Variants in TAOK3 observed in about 807,000 individuals in gnomAD.
TAOK3 encodes the protein serine/threonine-protein kinase TAO3.
In TAOK3, 40 loss-of-function variants were observed where a neutral mutation model predicts 120.4. That is an observed-to-expected ratio of 0.33 (90% CI 0.26 to 0.43). The LOEUF is 0.43. TAOK3 is among the 20% of genes least tolerant of loss of function. The pLI is 1.00. For synonymous variants in TAOK3, 355 were observed against 387.5 expected (o/e 0.92, Z 0.99); for missense variants, 821 against 1,112.1 (o/e 0.74, Z 3.72).
At chr12:118,312,818 T>C (rs2043309582) in intron 1 of TAOK3, among the ~76,000 whole-genome samples, 1 of 152,208 alleles carries the variant, frequency 6.6e-6, no homozygotes, top group African/African-American at 2.4e-5. Flanking sequence ...AACACCGATC[T>C]TAACTAGAGG....
In TAOK3 at chr12:118,154,667, C is replaced by T. The variant is rs140266860; in HGVS notation, c.2353-2258G>A. Among the ~76,000 whole-genome samples the T allele has an allele frequency of 8.2e-4, 125 of 152,212 alleles. 2 individuals are homozygous for T. The highest frequency in any genetic ancestry group is 2.9e-3 in the African/African-American group (121 of 41,550). On this transcript the variant is annotated intron_variant, in intron 19 of 20. Transcript: ENST00000392533. ...TGTTGGCCAGGCTGGTCTCAAACTC[C>T]TGAACTCAGGTGATCCGCCTGCCTT...
At chr12:118,259,471 T>G (rs1002445129) in intron 2 of TAOK3, among the ~76,000 whole-genome samples, 1 of 151,942 alleles carries the variant, frequency 6.6e-6, no homozygotes, top group African/African-American at 2.4e-5. Context: ...AGCCCGGAGA[T>G]CAAGGATGCA....
chr12:118,243,352 A>G (rs1016753768), intron 5 of TAOK3, 63 bp downstream of exon 5: 2 of 850,758 alleles, frequency 2.4e-6, no homozygotes, highest in Non-Finnish European at 3.7e-6. Flanking sequence ...CAAATAGATA[A>G]TAGAAAAAAA....
rs1354108649 is a variant in TAOK3 at position 118,150,947 on chromosome 12, T to C, written c.*50A>G. 1 of 1,519,618 alleles carries C rather than the reference T, an allele frequency of 6.6e-7. No homozygotes were observed. The highest frequency in any genetic ancestry group is 2.3e-5 in the East Asian group (1 of 44,284). 94.1% of individuals were successfully genotyped at this position (1,519,618 alleles called of 1,614,324 possible). A position where few individuals can be genotyped will look rare whatever the true frequency, so the allele number is the denominator to read the frequency against. On this transcript the variant is annotated 3_prime_UTR_variant, in exon 21 of 21. Transcript: ENST00000392533. ...GTGGTTTTGCAGGGTCTGAATTTTT[T>C]TCTGTTTTCTTTTTTTTTTTTTTTT...
intron 17 of TAOK3, 117 bp from the exon 18 acceptor site, chr12:118,162,144 C>T: frequency 7.7e-7 from 1 of 1,298,256 alleles, no homozygotes; most frequent in Non-Finnish European, 1.1e-6. Flanking sequence ...TTAATTAAAC[C>T]CATTAGTGTT....
chr12:118,181,678 C>T (rs779164904), intron 14 of TAOK3, 71 bp from the exon 15 acceptor site: 11 of 1,340,180 alleles, frequency 8.2e-6, no homozygotes, highest in South Asian at 3.6e-5. Flanking sequence ...CAAAGTAGAA[C>T]GGCCCTGTGG....
intron 14 of TAOK3, among the ~76,000 whole-genome samples, chr12:118,183,416 G>T (rs1451273062): frequency 6.6e-6 from 1 of 151,974 alleles, no homozygotes; most frequent in East Asian, 1.9e-4. Context: ...CTTTTCTGAA[G>T]GATAATACTC....
chr12:118,321,201 T>G (rs2043689370), intron 1 of TAOK3, among the ~76,000 whole-genome samples: 1 of 152,140 alleles, frequency 6.6e-6, no homozygotes, highest in Non-Finnish European at 1.5e-5. Flanking sequence ...ATTACTATAT[T>G]GTTTAACACT....
chr12:118,164,088 C>T (rs962521870), intron 17 of TAOK3, among the ~76,000 whole-genome samples: 4 of 151,362 alleles, frequency 2.6e-5, no homozygotes, highest in Non-Finnish European at 3.0e-5. Context: ...TTTGGGAGGC[C>T]GAGGCGGGTG....
chr12:118,291,679 A>G (rs766444399), intron 1 of TAOK3, among the ~76,000 whole-genome samples: 7 of 152,268 alleles, frequency 4.6e-5, no homozygotes, highest in Admixed American at 4.6e-4. Context: ...TTGTTCAATA[A>G]TCTGTTTTAA....
chr12:118,175,804 T>C (rs1472223337), intron 16 of TAOK3, among the ~76,000 whole-genome samples: 2 of 152,220 alleles, frequency 1.3e-5, no homozygotes, highest in Non-Finnish European at 2.9e-5. Flanking sequence ...CTGTAAGTAC[T>C]GGTAAAAGGA....
At chr12:118,233,379 G>A (rs963300176) in intron 9 of TAOK3, among the ~76,000 whole-genome samples, 2 of 151,136 alleles carry the variant, frequency 1.3e-5, no homozygotes, top group African/African-American at 4.9e-5. Context: ...TTGTGCACAT[G>A]TACCCTAAAA....
At chr12:118,329,687 A>G (rs77035835) in intron 1 of TAOK3, among the ~76,000 whole-genome samples, 1,776 of 152,276 alleles carry the variant, frequency 0.012, 34 homozygotes, top group African/African-American at 0.04. Flanking sequence ...TCTTCTTAAA[A>G]TGGAAAGTAA....
chr12:118,160,034 A>G lies in TAOK3; in HGVS notation c.2352+112T>C, dbSNP rs1236962826. ...TTTCCTCAGTCCTTTGGGCAGAAAA[A>G]CATCAATATCCTAAATTTGTGCAAG... On this transcript the variant is annotated intron_variant, in intron 19 of 20. Coordinates refer to ENST00000392533, the MANE Select transcript of TAOK3 (RefSeq NM_016281.4). This position sits in a 1 kb window ranked among gnomAD's most constrained non-coding sequence, Gnocchi z 4.2. 4.3e-6 allele frequency: 4 copies of G among 931,948 alleles called. No homozygotes were observed. The highest frequency in any genetic ancestry group is 2.2e-4 in the Middle Eastern group (1 of 4,482). 57.7% of individuals were successfully genotyped at this position (931,948 alleles called of 1,614,324 possible).
chr12:118,211,013 G>A (rs1224973877), intron 11 of TAOK3, among the ~76,000 whole-genome samples: 7 of 152,050 alleles, frequency 4.6e-5, no homozygotes, highest in African/African-American at 7.2e-5. Flanking sequence ...CTGGGATTAC[G>A]GGCATGAGCC....
intron 9 of TAOK3, among the ~76,000 whole-genome samples, chr12:118,225,516 T>C (rs1174650820): frequency 6.6e-6 from 1 of 152,156 alleles, no homozygotes; most frequent in African/African-American, 2.4e-5. Context: ...ACTGATATAA[T>C]AATTTTCAAG....
chr12:118,286,566 A>C (rs578260160), intron 1 of TAOK3, among the ~76,000 whole-genome samples: 2 of 152,222 alleles, frequency 1.3e-5, no homozygotes, highest in African/African-American at 4.8e-5. Flanking sequence ...TAAAAAAAAA[A>C]AAACAGATGT....
At chr12:118,313,262 T>C (rs1333783705) in intron 1 of TAOK3, among the ~76,000 whole-genome samples, 1 of 152,014 alleles carries the variant, frequency 6.6e-6, no homozygotes, top group African/African-American at 2.4e-5. Context: ...TCTCTTCTTT[T>C]TTATTTTTTA....
intron 1 of TAOK3, among the ~76,000 whole-genome samples, chr12:118,368,752 GCCGAAATCGTGCC>G (rs2045814853): frequency 1.3e-5 from 2 of 150,104 alleles, no homozygotes; most frequent in Admixed American, 6.6e-5. Context: ...GTTGCAGTGA[GCCGAAATCGTGCC>G]CCTGCACTCC....
Sources: gnomAD v4.1 joint callset for allele counts (sites outside exome capture counted in the v4.1 genomes callset) on GRCh38, gnomAD v4.1.1 for gene constraint, Gnocchi (gnomAD v3.1) non-coding constraint, MANE v1.5 for transcripts, NCBI Gene and HGNC (gene_info 2026-07-23, HGNC 2026-07-21) for gene names.